The following TRIM58 variants were observed in gnomAD, a reference collection of about 807,000 sequenced individuals.
TRIM58 encodes E3 ubiquitin-protein ligase TRIM58.
In TRIM58, 38 loss-of-function variants were observed where a neutral mutation model predicts 34.1. The ratio of observed to expected loss-of-function variants is 1.12; its 90% CI spans 0.86 to 1.46. TRIM58 has a LOEUF of 1.46. TRIM58 is among the 40% of genes most tolerant of loss of function. The pLI, the probability that TRIM58 is intolerant of heterozygous loss-of-function variation, is 0.00. For synonymous variants in TRIM58, 273 were observed against 275.7 expected (o/e 0.99, Z 0.10); for missense variants, 677 against 642.0 (o/e 1.05, Z -0.59).
chr1:247,865,660 G>A (rs900535041), intron 3 of TRIM58, among the ~76,000 whole-genome samples: 5 of 152,186 alleles, frequency 3.3e-5, no homozygotes, highest in South Asian at 4.1e-4. Context: ...GCAGAAAGAC[G>A]AGTAAGAGTG....
At chr1:247,864,160 T>G (rs1402584571) in intron 2 of TRIM58, among the ~76,000 whole-genome samples, 1 of 152,122 alleles carries the variant, frequency 6.6e-6, no homozygotes, top group Non-Finnish European at 1.5e-5. Context: ...CCACATTTTT[T>G]AAGAGATGGA....
chr1:247,878,493 A>G lies in TRIM58; in HGVS notation c.*2004A>G, dbSNP rs61855715. ...TCTGTGATAGATTTGCAAACAGAGG[A>G]AATAACGCATCCTCGTGTCCCTCTT... is the stretch of plus-strand genomic sequence containing the variant. On this transcript the variant is annotated 3_prime_UTR_variant, in exon 6 of 6. Coordinates refer to ENST00000366481, the MANE Select transcript of TRIM58 (RefSeq NM_015431.4). Among the ~76,000 whole-genome samples, 64,643 of 151,998 alleles carry G rather than the reference A, an allele frequency of 0.43. 14,462 individuals carry two copies. Among genetic ancestry groups the G allele is most frequent in the Admixed American group, 0.49 (7,506 of 15,270 alleles).
intron 3 of TRIM58, among the ~76,000 whole-genome samples, chr1:247,865,279 A>G (rs761871557): frequency 1.6e-4 from 24 of 152,186 alleles, no homozygotes; most frequent in Non-Finnish European, 3.4e-4. Flanking sequence ...ACAAACAAAC[A>G]GCATATAGTT....
rs1029034484 is a variant in TRIM58, at chr1:247,878,123, A to T, written c.*1634A>T. ...GCTTGTAGTGAGCCGAGATCGCGCC[A>T]CTGCACTCCAGCCGGGGCAACAGAG... On this transcript the variant is annotated 3_prime_UTR_variant, in exon 6 of 6. Transcript: ENST00000366481. The T allele has an allele frequency of 1.3e-5, 2 of 152,162 alleles. No individual in the cohort carries two copies. Among genetic ancestry groups the T allele is most frequent in the Non-Finnish European group, 1.5e-5 (1 of 68,114 alleles). The allele number at this position is 152,162 out of a possible 1,614,324, so 9.4% of individuals were successfully genotyped here. A position where few individuals can be genotyped will look rare whatever the true frequency, so the allele number is the denominator to read the frequency against.
chr1:247,869,809 C>G (rs1659056762), intron 5 of TRIM58, among the ~76,000 whole-genome samples: 1 of 152,184 alleles, frequency 6.6e-6, no homozygotes, highest in South Asian at 2.1e-4. Context: ...CAAATAGGAA[C>G]AAAGGCATAG....
chr1:247,866,912 T>A (rs540506019), intron 3 of TRIM58, among the ~76,000 whole-genome samples: 2 of 152,290 alleles, frequency 1.3e-5, no homozygotes, highest in East Asian at 3.9e-4. Context: ...GACATTCCCA[T>A]ACAGGGTAAA....
chr1:247,876,000 C>T lies in TRIM58; in HGVS notation c.972C>T (p.Asn324=), dbSNP rs771674051. 1.2e-6 allele frequency: 2 copies of T among 1,614,228 alleles called. No individual in the cohort carries two copies. Among genetic ancestry groups the T allele is most frequent in the Non-Finnish European group, 1.7e-6 (2 of 1,180,030 alleles). Residue 324 remains asparagine (N), a synonymous_variant, in exon 6 of 6, where the codon AAC becomes AAT. Transcript: ENST00000366481. ...QDGEPWRDVP[N]NPERFDTWPC... ...GAGAACCATGGAGGGATGTCCCCAA[C>T]AACCCTGAGCGATTTGACACATGGC...
At position 247,877,416 on chromosome 1, in the gene TRIM58, A is replaced by G. The variant is rs1233669279; in HGVS notation, c.*927A>G. The G allele has an allele frequency of 2.6e-5, 4 of 151,728 alleles. No individual in the cohort carries two copies. The highest frequency in any genetic ancestry group is 2.0e-4 in the Admixed American group (3 of 15,190). 9.4% of individuals were successfully genotyped at this position (151,728 alleles called of 1,614,324 possible). ...TGAAACCCTGTCTCTACTAAAAAAAAAAAAAAAATAGAAAAATTAGCTGGG... is the reference window on the plus strand; with the variant it reads ...TGAAACCCTGTCTCTACTAAAAAAAGAAAAAAAATAGAAAAATTAGCTGGG... On this transcript the variant is annotated 3_prime_UTR_variant, in exon 6 of 6. Transcript: ENST00000366481.
rs749540737 is a variant in TRIM58 at position 247,857,398 on chromosome 1, A to G, written c.152A>G (p.Gln51Arg). The G allele has an allele frequency of 1.6e-5, 24 of 1,522,988 alleles. No individual in the cohort carries two copies. Among genetic ancestry groups the G allele is most frequent in the Admixed American group, 4.1e-5 (2 of 49,020 alleles). The allele number at this position is 1,522,988 out of a possible 1,614,324, so 94.3% of individuals were successfully genotyped here. A position where few individuals can be genotyped will look rare whatever the true frequency, so the allele number is the denominator to read the frequency against. ...TTCTGCGAGAAGTCGGACGGCGCGC[A>G]GGGCGGCGTCTACGCCTGTCCGCAG... ...SEFCEKSDGA[Q>R]GGVYACPQCR... The change falls in exon 1 of 6, where the codon CAG becomes CGG. Residue 51 changes from glutamine (Q) to arginine (R), a missense_variant. Transcript: ENST00000366481.
Position 247,876,039 on chromosome 1 carries a change from T to G in TRIM58, c.1011T>G (p.Gly337=), listed in dbSNP as rs777198544. The G allele has an allele frequency of 6.2e-7, 1 of 1,614,142 alleles. No individual in the cohort carries two copies. The highest frequency in any genetic ancestry group is 1.1e-5 in the South Asian group (1 of 91,072). Residue 337 remains glycine (G), a synonymous_variant, in exon 6 of 6, where the codon GGT becomes GGG. Coordinates refer to ENST00000366481, the MANE Select transcript of TRIM58 (RefSeq NM_015431.4). ...ERFDTWPCIL[G]LQSFSSGRHY... ...TTGACACATGGCCCTGCATCCTGGGTTTGCAGAGCTTCTCATCAGGGAGGC... is the reference window on the plus strand; with the variant it reads ...TTGACACATGGCCCTGCATCCTGGGGTTGCAGAGCTTCTCATCAGGGAGGC...
chr1:247,877,810 AAG>A lies in TRIM58; in HGVS notation c.*1322_*1323del, dbSNP rs1659324700. On this transcript the variant is annotated 3_prime_UTR_variant, in exon 6 of 6. Coordinates refer to ENST00000366481, the MANE Select transcript of TRIM58 (RefSeq NM_015431.4). ...GTATATTCTGTACCTTTCCAACAAA[AAG>A]GTTAAAAGTCATTGAAGGCTAACCT... 4 of 152,172 alleles carry A rather than the reference AAG, an allele frequency of 2.6e-5. No individual in the cohort carries two copies. In the South Asian group the frequency reaches 8.3e-4, roughly 32 times the overall value. 9.4% of individuals were successfully genotyped at this position (152,172 alleles called of 1,614,324 possible).
chr1:247,866,181 G>C (rs12062391), intron 3 of TRIM58, among the ~76,000 whole-genome samples: 1 of 151,344 alleles, frequency 6.6e-6, no homozygotes, highest in Non-Finnish European at 1.5e-5. Flanking sequence ...CTTTTCTTTT[G>C]TTTTTTTGAG....
Position 247,864,698 on chromosome 1 carries a change from A to C in TRIM58, c.517-7A>C, listed in dbSNP as rs762284804. ...CACTGACGATGTGATCCACGGTGTC[A>C]CCTCAGGAGAAAGTGGAAATGCAGA... is the stretch of plus-strand genomic sequence containing the variant. On this transcript the variant is annotated splice_region_variant and splice_polypyrimidine_tract_variant and intron_variant, in intron 2 of 5. Coordinates refer to ENST00000366481, the MANE Select transcript of TRIM58 (RefSeq NM_015431.4). 1 of 1,613,766 alleles carries C rather than the reference A, an allele frequency of 6.2e-7. No individual in the cohort carries two copies. Among genetic ancestry groups the C allele is most frequent in the South Asian group, 1.1e-5 (1 of 90,968 alleles).
At chr1:247,871,865 C>A (rs1314372101) in intron 5 of TRIM58, among the ~76,000 whole-genome samples, 2 of 152,082 alleles carry the variant, frequency 1.3e-5, no homozygotes, top group African/African-American at 2.4e-5. Context: ...TGAAGAAAAT[C>A]AAAAAGAGTA....
In TRIM58 at chr1:247,879,330, A is replaced by G. The variant is rs1572583265; in HGVS notation, c.*2841A>G. 6.6e-6 allele frequency among the ~76,000 whole-genome samples: 1 copy of G among 152,004 alleles called. No individual in the cohort carries two copies. The highest frequency in any genetic ancestry group is 1.5e-5 in the Non-Finnish European group (1 of 67,990). ...TGTCCGGGGTTCAGTTGTCCTGGCC[A>G]CCCTGCTGCTGTAACCATGGTCAGA... On this transcript the variant is annotated 3_prime_UTR_variant, in exon 6 of 6. Coordinates refer to ENST00000366481, the MANE Select transcript of TRIM58 (RefSeq NM_015431.4).
rs1663669745 is a variant in TRIM58, at chr1:247,857,663, C to T, written c.417C>T (p.Tyr139=). ...CGCTGCAGGAGGCCGCCGGCAGCTA[C>T]CAGGTGAGGCGCCCCCCGGCGGGGG... is the stretch of plus-strand genomic sequence containing the variant. ...TAPLQEAAGS[Y]QVKLQMALEL... is the part of the protein sequence containing the mutation. Residue 139 remains tyrosine, a synonymous_variant, in exon 1 of 6, where the codon TAC becomes TAT. Coordinates refer to ENST00000366481, the MANE Select transcript of TRIM58 (RefSeq NM_015431.4). The T allele has an allele frequency of 8.1e-7, 1 of 1,229,306 alleles. No individual in the cohort carries two copies. The highest frequency in any genetic ancestry group is 1.0e-6 in the Non-Finnish European group (1 of 986,358). The allele number at this position is 1,229,306 out of a possible 1,614,324, so 76.1% of individuals were successfully genotyped here.
At chr1:247,867,654 TC>T (rs1462723181) in intron 3 of TRIM58, among the ~76,000 whole-genome samples, 190 bp from the exon 4 acceptor site, 3 of 151,960 alleles carry the variant, frequency 2.0e-5, no homozygotes, top group African/African-American at 7.3e-5. Context: ...GCCATTGCAC[TC>T]CAGCAGCCTG....
At chr1:247,857,924 C>T (rs61855696) in intron 1 of TRIM58, among the ~76,000 whole-genome samples, 10 of 152,166 alleles carry the variant, frequency 6.6e-5, no homozygotes, top group Admixed American at 2.0e-4. Context: ...TCGTCGAACT[C>T]GCGCTGGGCT....
At position 247,868,107 on chromosome 1, in the gene TRIM58, G is replaced by A. The variant is rs367616677; in HGVS notation, c.871+44G>A. The A allele has an allele frequency of 1.6e-5, 25 of 1,520,524 alleles. No individual in the cohort carries two copies. In the African/African-American group the frequency reaches 3.0e-4, roughly 18 times the overall value. 94.2% of individuals were successfully genotyped at this position (1,520,524 alleles called of 1,614,324 possible). A position where few individuals can be genotyped will look rare whatever the true frequency, so the allele number is the denominator to read the frequency against. On this transcript the variant is annotated intron_variant, in intron 5 of 5. Transcript: ENST00000366481. ...CTGGGAATTAGGCTGCCTGGGGTTT[G>A]AAGAAGTTCCAAGGTAGTTGCATCT... is the stretch of plus-strand genomic sequence containing the variant.
Sources: allele counts gnomAD v4.1 joint callset (sites outside exome capture counted in the v4.1 genomes callset), GRCh38; gene constraint gnomAD v4.1.1; transcripts MANE v1.5; gene names NCBI Gene and HGNC (gene_info 2026-07-23, HGNC 2026-07-21).